Variants in TC2N observed in about 807,000 individuals in gnomAD.
The protein encoded by TC2N is tandem C2 domains, nuclear.
A neutral mutation model predicts 61.9 loss-of-function variants in TC2N; 51 were observed. The observed-to-expected ratio is 0.82, with a 90% CI of 0.66 to 1.04. TC2N has a LOEUF of 1.04. TC2N is among the 50% of genes least tolerant of loss of function. The pLI is 0.00. For synonymous variants in TC2N, 204 were observed against 192.6 expected (o/e 1.06, Z -0.49); for missense variants, 556 against 566.7 (o/e 0.98, Z 0.19).
At chr14:91,863,791 G>C (rs1393223253) in intron 1 of TC2N, among the ~76,000 whole-genome samples, 1 of 139,192 alleles carries the variant, frequency 7.2e-6, no homozygotes, top group East Asian at 2.1e-4. Context: ...CTCAAGATCA[G>C]CCTGGGCAAA....
intron 1 of TC2N, among the ~76,000 whole-genome samples, chr14:91,852,575 T>C (rs1467069699): frequency 6.6e-6 from 1 of 152,234 alleles, no homozygotes. Flanking sequence ...AATAGATCAC[T>C]AACTGGTTGT....
At chr14:91,818,603 T>C (rs1887109071) in intron 1 of TC2N, among the ~76,000 whole-genome samples, 1 of 151,944 alleles carries the variant, frequency 6.6e-6, no homozygotes. Flanking sequence ...CAACCTAAAA[T>C]TGAGACAAGG....
intron 4 of TC2N, 26 bp downstream of exon 4, chr14:91,802,228 A>G (rs1886285046): frequency 6.7e-7 from 1 of 1,497,022 alleles, no homozygotes; most frequent in East Asian, 2.6e-5. Context: ...AAACACAGAG[A>G]GGAAAAGCAC....
chr14:91,845,996 A>G (rs1888262748), intron 1 of TC2N, among the ~76,000 whole-genome samples: 1 of 152,184 alleles, frequency 6.6e-6, no homozygotes, highest in African/African-American at 2.4e-5. Flanking sequence ...TGGCTAGTCT[A>G]TGGTTGGGCA....
At chr14:91,795,895 T>C (rs980847369) in intron 8 of TC2N, among the ~76,000 whole-genome samples, 1 of 152,098 alleles carries the variant, frequency 6.6e-6, no homozygotes, top group Non-Finnish European at 1.5e-5. Context: ...TCTCAAGTCA[T>C]AGAATCACAC....
chr14:91,850,927 T>C (rs1888362871), intron 1 of TC2N, among the ~76,000 whole-genome samples: 1 of 152,104 alleles, frequency 6.6e-6, no homozygotes, highest in Non-Finnish European at 1.5e-5. Flanking sequence ...CAAGACTCCA[T>C]CTTGGAAAAA....
At chr14:91,814,357 C>CA (rs57521276) in intron 1 of TC2N, among the ~76,000 whole-genome samples, 183 of 116,134 alleles carry the variant, frequency 1.6e-3, no homozygotes, top group East Asian at 7.8e-3. Flanking sequence ...AGGGAAAGGT[C>CA]AAAAAAAAAA....
chr14:91,828,457 A>G (rs924766545), intron 1 of TC2N, among the ~76,000 whole-genome samples: 1 of 151,804 alleles, frequency 6.6e-6, no homozygotes, highest in African/African-American at 2.4e-5. Flanking sequence ...ATAACTTTAC[A>G]TTTATGTTTA....
At chr14:91,863,981 G>A (rs1888645259) in intron 1 of TC2N, among the ~76,000 whole-genome samples, 1 of 151,854 alleles carries the variant, frequency 6.6e-6, no homozygotes, top group Non-Finnish European at 1.5e-5. Flanking sequence ...AACAGAGCCA[G>A]ACCCTGGCAA....
chr14:91,829,726 C>T (rs1248199319), intron 1 of TC2N, among the ~76,000 whole-genome samples: 1 of 152,058 alleles, frequency 6.6e-6, no homozygotes, highest in East Asian at 1.9e-4. Flanking sequence ...GTCCTACTTC[C>T]TTGTACAGCT....
chr14:91,830,348 T>A (rs930332976), intron 1 of TC2N, among the ~76,000 whole-genome samples: 1 of 152,216 alleles, frequency 6.6e-6, no homozygotes, highest in Non-Finnish European at 1.5e-5. Flanking sequence ...TACAGCCATA[T>A]GATGGAATAC....
At chr14:91,797,127 TAAG>T (rs1345412982) in intron 8 of TC2N, among the ~76,000 whole-genome samples, 1 of 151,930 alleles carries the variant, frequency 6.6e-6, no homozygotes, top group Non-Finnish European at 1.5e-5. Flanking sequence ...TTCCTAATTC[TAAG>T]AAGAAAGCAA....
intron 10 of TC2N, among the ~76,000 whole-genome samples, chr14:91,785,678 G>A (rs1252792582): frequency 1.3e-5 from 2 of 152,020 alleles, no homozygotes; most frequent in African/African-American, 4.8e-5. Context: ...TCACACTAAA[G>A]AGAGGTACCA....
At position 91,863,829 on chromosome 14, in the gene TC2N, C is replaced by CAA. The variant is rs35582740; in HGVS notation, c.-57+3431_-57+3432dup. 4.6e-3 allele frequency among the ~76,000 whole-genome samples: 283 copies of CAA among 60,974 alleles called. 6 individuals carry two copies. Among genetic ancestry groups the CAA allele is most frequent in the Middle Eastern group, 0.028 (3 of 108 alleles). 40.0% of individuals were successfully genotyped at this position (60,974 alleles called of 152,430 possible). A position where few individuals can be genotyped will look rare whatever the true frequency, so the allele number is the denominator to read the frequency against. ...AGCGAGACCCCAGACTCCATCTCTA[C>CAA]AAAAAAAAAAAAAAAAAAAGCCTGA... On this transcript the variant is annotated intron_variant, in intron 1 of 11. Transcript: ENST00000435962.
At chr14:91,791,280 T>G (rs1885644704) in intron 9 of TC2N, among the ~76,000 whole-genome samples, 1 of 151,978 alleles carries the variant, frequency 6.6e-6, no homozygotes, top group African/African-American at 2.4e-5. Flanking sequence ...ATTCTAATTT[T>G]TTTTAGTTTA....
At position 91,866,804 on chromosome 14, in the gene TC2N, C is replaced by T. The variant is rs1328269701; in HGVS notation, c.-57+458G>A. Among the ~76,000 whole-genome samples, 2 of 152,172 alleles carry T rather than the reference C, an allele frequency of 1.3e-5. 1 individual carries two copies. Among genetic ancestry groups the T allele is most frequent in the African/African-American group, 4.8e-5 (2 of 41,442 alleles). On this transcript the variant is annotated intron_variant, in intron 1 of 11. Transcript: ENST00000435962. ...TGGGATCAGAGAGCAGGCTCATCCCCAGTCTTGTACAAAAAATAACATTTG... is the reference window on the plus strand; with the variant it reads ...TGGGATCAGAGAGCAGGCTCATCCCTAGTCTTGTACAAAAAATAACATTTG...
intron 1 of TC2N, among the ~76,000 whole-genome samples, chr14:91,815,865 G>A (rs1419844458): frequency 1.3e-5 from 2 of 151,606 alleles, no homozygotes; most frequent in Admixed American, 6.6e-5. Context: ...AATACAAACA[G>A]TATCTGTAAT....
intron 1 of TC2N, among the ~76,000 whole-genome samples, chr14:91,845,589 T>A (rs190772181): frequency 6.6e-6 from 1 of 152,270 alleles, no homozygotes; most frequent in Non-Finnish European, 1.5e-5. Context: ...CCTCTCCAAT[T>A]AGCTCAAGTA....
chr14:91,858,152 CTTT>C (rs56379239), intron 1 of TC2N, among the ~76,000 whole-genome samples: 2 of 92,334 alleles, frequency 2.2e-5, no homozygotes, highest in East Asian at 6.5e-4. Flanking sequence ...TCTTCTTCTT[CTTT>C]TTTTTTTTTT....
Sources: allele counts gnomAD v4.1 joint callset (sites outside exome capture counted in the v4.1 genomes callset), GRCh38; gene constraint gnomAD v4.1.1; transcripts MANE v1.5; gene names NCBI Gene and HGNC (gene_info 2026-07-23, HGNC 2026-07-21).